CNTN4: variants seen among roughly 807,000 people sequenced by gnomAD.
CNTN4 encodes the protein contactin 4.
In CNTN4, 77 loss-of-function variants were observed where a neutral mutation model predicts 122.5. The observed-to-expected ratio is 0.63, with a 90% CI of 0.52 to 0.76. CNTN4 has a LOEUF of 0.76. Among genes scored for constraint, CNTN4 ranks in the 30% least tolerant of loss-of-function variants. The pLI is 0.00. For missense variants in CNTN4, 1,256 were observed against 1,259.1 expected (o/e 1.00, Z 0.04); for synonymous variants, 512 against 447.0 (o/e 1.15, Z -1.83).
intron 4 of CNTN4, among the ~76,000 whole-genome samples, chr3:2,584,820 G>GT (rs2080110622): frequency 6.6e-6 from 1 of 150,718 alleles, no homozygotes; most frequent in Admixed American, 6.6e-5. Context: ...TGCCTATTTT[G>GT]TTTAATTATA....
intron 4 of CNTN4, among the ~76,000 whole-genome samples, chr3:2,654,729 T>TC (rs2083506288): frequency 6.6e-6 from 1 of 151,940 alleles, no homozygotes; most frequent in Non-Finnish European, 1.5e-5. Context: ...GCCTGTTTTT[T>TC]CCCCCCAGTC....
rs1024407920 is a variant in CNTN4, at chr3:2,099,053, TG to T, written c.-227+82del. ...TGCCCCGGGGACGCGGTCGCGGGTG[TG>T]GGGGGGAAAGGGCAGGGTCCGCGCG... On this transcript the variant is annotated intron_variant, in intron 1 of 24. Transcript: ENST00000418658. The T allele has an allele frequency of 5.9e-5, 9 of 151,780 alleles. No individual in the cohort carries two copies. The East Asian group carries it at 1.4e-3, about 23-fold the overall frequency. 9.4% of individuals were successfully genotyped at this position (151,780 alleles called of 1,614,324 possible). A position where few individuals can be genotyped will look rare whatever the true frequency, so the allele number is the denominator to read the frequency against.
rs1575609277 is a variant in CNTN4 at position 2,429,079 on chromosome 3, A to T, written c.-89+89846A>T. Among the ~76,000 whole-genome samples, 3 of 152,088 alleles carry T rather than the reference A, an allele frequency of 2.0e-5. No homozygotes were observed. In the East Asian group the frequency reaches 5.8e-4, roughly 29 times the overall value. ...GATCGTCTGAAGCCTTCTTCTCTCA[A>T]CTTGTCAAAGTAATTCTCCATCCAG... On this transcript the variant is annotated intron_variant, in intron 3 of 24. Coordinates refer to ENST00000418658, the MANE Select transcript of CNTN4 (RefSeq NM_175607.3).
intron 2 of CNTN4, among the ~76,000 whole-genome samples, chr3:2,244,263 T>C (rs1201365382): frequency 6.6e-6 from 1 of 152,094 alleles, no homozygotes; most frequent in Non-Finnish European, 1.5e-5. Flanking sequence ...CTCTCTGTCA[T>C]CTCAAAATAT....
At chr3:2,478,606 C>T (rs1015986482) in intron 3 of CNTN4, among the ~76,000 whole-genome samples, 1 of 152,094 alleles carries the variant, frequency 6.6e-6, no homozygotes, top group African/African-American at 2.4e-5. Context: ...CTGACAGGCT[C>T]CAGTTTGTGT....
At chr3:2,904,968 A>G (rs1246500456) in intron 12 of CNTN4, among the ~76,000 whole-genome samples, 2 of 152,166 alleles carry the variant, frequency 1.3e-5, no homozygotes, top group African/African-American at 4.8e-5. Context: ...AAGTGAGAAA[A>G]GCTGCTTAAT....
chr3:2,571,096 A>T (rs2079401956), intron 3 of CNTN4, among the ~76,000 whole-genome samples: 2 of 152,098 alleles, frequency 1.3e-5, no homozygotes, highest in African/African-American at 4.8e-5. Flanking sequence ...TAAGAACAGG[A>T]TCTGGACAAA....
intron 2 of CNTN4, among the ~76,000 whole-genome samples, chr3:2,235,242 C>T (rs1309580421): frequency 1.3e-5 from 2 of 152,122 alleles, no homozygotes; most frequent in Admixed American, 1.3e-4. Context: ...TCAATTTGTA[C>T]ATTTATCAAG....
At chr3:2,751,330 T>TA (rs933800771) in intron 6 of CNTN4, among the ~76,000 whole-genome samples, 1 of 151,154 alleles carries the variant, frequency 6.6e-6, no homozygotes, top group South Asian at 2.1e-4. Context: ...AAAATAAAAA[T>TA]AAAAAAAATA....
chr3:2,835,029 C>G (rs977236428), intron 7 of CNTN4, among the ~76,000 whole-genome samples: 1 of 150,648 alleles, frequency 6.6e-6, no homozygotes, highest in African/African-American at 2.4e-5. Flanking sequence ...TTCAGCCTTC[C>G]CAGTAGCTGG....
At chr3:2,392,097 C>T (rs2046460732) in intron 3 of CNTN4, among the ~76,000 whole-genome samples, 1 of 152,216 alleles carries the variant, frequency 6.6e-6, no homozygotes, top group Non-Finnish European at 1.5e-5. Context: ...AATGTTGCTA[C>T]ATGACCCCAG....
chr3:2,242,275 A>G (rs1349325452), intron 2 of CNTN4, among the ~76,000 whole-genome samples: 2 of 152,120 alleles, frequency 1.3e-5, no homozygotes, highest in African/African-American at 2.4e-5. Context: ...GGCCACTACC[A>G]TGTCATAGAA....
rs1472040988 is a variant in CNTN4, at chr3:2,631,882, A to C, written c.55+60324A>C. Reference sequence around the variant, plus strand: ...TATCTCTACAAAAAAAAAAAAACAAAAAAAAACAACAACTAAAAAATTAGC... The same window carrying C: ...TATCTCTACAAAAAAAAAAAAACAACAAAAAACAACAACTAAAAAATTAGC... On this transcript the variant is annotated intron_variant, in intron 4 of 24. Transcript: ENST00000418658. 2.0e-5 allele frequency among the ~76,000 whole-genome samples: 3 copies of C among 150,682 alleles called. 1 individual carries two copies. The highest frequency in any genetic ancestry group is 1.3e-4 in the Admixed American group (2 of 15,070).
At chr3:2,152,611 T>G (rs961072916) in intron 2 of CNTN4, among the ~76,000 whole-genome samples, 9 of 152,088 alleles carry the variant, frequency 5.9e-5, no homozygotes, top group African/African-American at 1.9e-4. Flanking sequence ...TCCAAGTGTT[T>G]TGTCCTGAAA....
chr3:2,123,141 A>C (rs922455219), intron 2 of CNTN4, among the ~76,000 whole-genome samples: 3 of 152,220 alleles, frequency 2.0e-5, no homozygotes, highest in Non-Finnish European at 2.9e-5. Context: ...TTTATGGTAA[A>C]TTATAGCTCT....
rs140441994 is a variant in CNTN4 at position 2,179,098 on chromosome 3, C to T, written c.-145+78459C>T. 2.5e-4 allele frequency among the ~76,000 whole-genome samples: 38 copies of T among 152,134 alleles called. No homozygotes were observed. The East Asian group carries it at 7.1e-3, about 29-fold the overall frequency. On this transcript the variant is annotated intron_variant, in intron 2 of 24. Coordinates refer to ENST00000418658, the MANE Select transcript of CNTN4 (RefSeq NM_175607.3). ...AATGATCATTTGCAATTATAAATGT[C>T]CTGTTATCAATTAATTTGCAGTTCA...
intron 2 of CNTN4, among the ~76,000 whole-genome samples, chr3:2,181,427 C>T (rs773396667): frequency 7.9e-5 from 12 of 152,070 alleles, no homozygotes; most frequent in Non-Finnish European, 1.6e-4. Context: ...ACGTATCAAA[C>T]GCCAGTAGAA....
intron 4 of CNTN4, among the ~76,000 whole-genome samples, chr3:2,581,788 A>G (rs1220846751): frequency 6.6e-6 from 1 of 152,260 alleles, no homozygotes; most frequent in African/African-American, 2.4e-5. Context: ...AAAATGTGGT[A>G]GTCCCATACA....
chr3:2,893,186 G>C (rs1021686), intron 10 of CNTN4, among the ~76,000 whole-genome samples: 56,624 of 151,990 alleles, frequency 0.37, 10,883 homozygotes, highest in East Asian at 0.55. Context: ...AATGTCTAGA[G>C]CCTTTGTGCT....
Sources: allele counts gnomAD v4.1 joint callset (sites outside exome capture counted in the v4.1 genomes callset), GRCh38; gene constraint gnomAD v4.1.1; transcripts MANE v1.5; gene names NCBI Gene and HGNC (gene_info 2026-07-23, HGNC 2026-07-21).